The following ADIPOR2 variants were observed in gnomAD, a reference collection of about 807,000 sequenced individuals.
The protein encoded by ADIPOR2 is adiponectin receptor protein 2.
Under a neutral mutation model 40.9 loss-of-function variants are expected in ADIPOR2, and 18 were observed. The ratio of observed to expected loss-of-function variants is 0.44; its 90% CI spans 0.30 to 0.65. The LOEUF (loss-of-function observed/expected upper bound fraction) is 0.65. ADIPOR2 is among the 30% of genes least tolerant of loss of function. ADIPOR2 has a pLI of 0.09. For synonymous variants in ADIPOR2, 165 were observed against 166.4 expected, an observed-to-expected ratio of 0.99 and a Z score of 0.06; for missense variants, 283 against 479.2, an observed-to-expected ratio of 0.59 and a Z score of 3.82.
chr12:1,757,882 T>C (rs2154443659), intron 2 of ADIPOR2: 1 of 816,460 alleles, frequency 1.2e-6, no homozygotes, highest in Admixed American at 1.7e-5. Flanking sequence ...AGGAATATGA[T>C]GGGGAGACAC....
intron 1 of ADIPOR2, among the ~76,000 whole-genome samples, chr12:1,709,372 T>G: frequency 6.6e-6 from 1 of 152,316 alleles, no homozygotes; most frequent in East Asian, 1.9e-4. Context: ...TGGGAATTTT[T>G]TTAAAGTTTC....
chr12:1,778,269 C>A, intron 4 of ADIPOR2: 1 of 371,732 alleles, frequency 2.7e-6, no homozygotes, highest in Non-Finnish European at 4.8e-6. Context: ...TCAAACCAGG[C>A]CAAGTAAAAG....
chr12:1,781,743 G>A (rs1275469337), intron 6 of ADIPOR2, among the ~76,000 whole-genome samples: 1 of 152,176 alleles, frequency 6.6e-6, no homozygotes, highest in Non-Finnish European at 1.5e-5. Context: ...TGAACAAGGA[G>A]TGTTTTTCCT....
chr12:1,763,227 A>T (rs906668728), intron 2 of ADIPOR2, among the ~76,000 whole-genome samples: 5 of 152,236 alleles, frequency 3.3e-5, no homozygotes, highest in Non-Finnish European at 5.9e-5. Context: ...ATTTTTCACA[A>T]GTTCCCCTAT....
Position 1,764,868 on chromosome 12 carries a change from G to A in ADIPOR2, c.172-7974G>A, listed in dbSNP as rs749017210. ...TCATCTGTATTTTCTGGGTATAGCTGTAGATTATTCATTTTTATTGGTCTG... is the reference window on the plus strand; with the variant it reads ...TCATCTGTATTTTCTGGGTATAGCTATAGATTATTCATTTTTATTGGTCTG... On this transcript the variant is annotated intron_variant, in intron 2 of 7. Transcript: ENST00000357103. Among the ~76,000 whole-genome samples the A allele has an allele frequency of 3.4e-4, 52 of 152,110 alleles. 1 individual carries two copies. The highest frequency in any genetic ancestry group is 6.8e-4 in the Non-Finnish European group (46 of 68,012).
At chr12:1,737,983 A>G (rs1237988453) in intron 1 of ADIPOR2, among the ~76,000 whole-genome samples, 2 of 152,078 alleles carry the variant, frequency 1.3e-5, no homozygotes, top group Non-Finnish European at 2.9e-5. Context: ...TTTCTCTTCT[A>G]CATACTAAGG....
chr12:1,711,621 TCTCTCTCTC>T (rs2094677138), intron 1 of ADIPOR2, among the ~76,000 whole-genome samples: 1 of 3,976 alleles, frequency 2.5e-4, no homozygotes, highest in East Asian at 0.042. Flanking sequence ...TTCCTCTCTC[TCTCTCTCTC>T]TCTCTCTCTC....
intron 1 of ADIPOR2, among the ~76,000 whole-genome samples, chr12:1,735,083 T>G (rs1032244405): frequency 6.6e-6 from 1 of 152,178 alleles, no homozygotes; most frequent in Non-Finnish European, 1.5e-5. Flanking sequence ...TGTGGGCTCT[T>G]TTTTGCTTCC....
chr12:1,696,998 G>A (rs140012958), intron 1 of ADIPOR2: 1 of 152,554 alleles, frequency 6.6e-6, no homozygotes, highest in East Asian at 1.9e-4. Context: ...ACTAACAGGT[G>A]ATGAAATGCA....
chr12:1,695,050 C>A (rs529779421), intron 1 of ADIPOR2, among the ~76,000 whole-genome samples: 1 of 145,682 alleles, frequency 6.9e-6, no homozygotes, highest in African/African-American at 2.5e-5. Flanking sequence ...TAAGATCTCA[C>A]TCTGTATCTC....
At chr12:1,754,714 C>CTACTACTAT (rs1461637706) in intron 2 of ADIPOR2, among the ~76,000 whole-genome samples, 200 bp downstream of exon 2, 77 of 70,708 alleles carry the variant, frequency 1.1e-3, no homozygotes, top group Middle Eastern at 0.011. Context: ...ACTACTACTA[C>CTACTACTAT]TACTACTACT....
chr12:1,748,515 T>TG (rs2094761791), intron 1 of ADIPOR2, among the ~76,000 whole-genome samples: 1 of 152,154 alleles, frequency 6.6e-6, no homozygotes. Flanking sequence ...CCCAAAGTGC[T>TG]GGGATTACAG....
chr12:1,757,159 T>C lies in ADIPOR2; in HGVS notation c.171+2645T>C, dbSNP rs553580820. 50 of 285,202 alleles carry C rather than the reference T, an allele frequency of 1.8e-4. No homozygotes were observed. In the Middle Eastern group the frequency reaches 3.6e-3, roughly 20 times the overall value. The allele number at this position is 285,202 out of a possible 1,614,324, so 17.7% of individuals were successfully genotyped here. On this transcript the variant is annotated intron_variant, in intron 2 of 7. Transcript: ENST00000357103. Reference sequence around the variant, plus strand: ...GCCAATTTGAGATTCATAATGGCAATAAAATTCTGTTTATCATGCTACATT... The same window carrying C: ...GCCAATTTGAGATTCATAATGGCAACAAAATTCTGTTTATCATGCTACATT...
intron 1 of ADIPOR2, among the ~76,000 whole-genome samples, chr12:1,705,356 A>T (rs1451711670): frequency 1.3e-5 from 2 of 152,188 alleles, no homozygotes. Context: ...TCCTTGTATT[A>T]GCATTTTTAT....
At chr12:1,708,845 G>A (rs576894262) in intron 1 of ADIPOR2, among the ~76,000 whole-genome samples, 2 of 151,734 alleles carry the variant, frequency 1.3e-5, no homozygotes, top group African/African-American at 4.8e-5. Context: ...TCAGCCTCCC[G>A]AGTAGCTGGG....
At chr12:1,709,049 C>T (rs1339920135) in intron 1 of ADIPOR2, among the ~76,000 whole-genome samples, 1 of 152,084 alleles carries the variant, frequency 6.6e-6, no homozygotes, top group Non-Finnish European at 1.5e-5. Flanking sequence ...CAGTACTACA[C>T]TTGATTACTG....
intron 1 of ADIPOR2, among the ~76,000 whole-genome samples, chr12:1,748,401 A>C (rs940271280): frequency 2.2e-4 from 33 of 152,100 alleles, no homozygotes; most frequent in Non-Finnish European, 4.4e-4. Flanking sequence ...GGTGCCCGCC[A>C]CCACGCCTGG....
At chr12:1,733,735 C>T (rs1592597124) in intron 1 of ADIPOR2, among the ~76,000 whole-genome samples, 1 of 151,506 alleles carries the variant, frequency 6.6e-6, no homozygotes, top group African/African-American at 2.4e-5. Context: ...TTAGGTATAT[C>T]TCTTAATGCT....
At chr12:1,769,759 C>T (rs915070130) in intron 2 of ADIPOR2, among the ~76,000 whole-genome samples, 1 of 152,092 alleles carries the variant, frequency 6.6e-6, no homozygotes, top group African/African-American at 2.4e-5. Flanking sequence ...CCAGGCTGGT[C>T]TCGACCTCCT....
Sources: gnomAD v4.1 joint callset for allele counts (sites outside exome capture counted in the v4.1 genomes callset) on GRCh38, gnomAD v4.1.1 for gene constraint, MANE v1.5 for transcripts, NCBI Gene and HGNC (gene_info 2026-07-23, HGNC 2026-07-21) for gene names.